The following CAMTA1 variants were observed in gnomAD, a reference collection of about 807,000 sequenced individuals.
CAMTA1 encodes the protein calmodulin binding transcription activator 1.
Under a neutral mutation model 170.9 loss-of-function variants are expected in CAMTA1, and 27 were observed. The ratio of observed to expected loss-of-function variants is 0.16; its 90% CI spans 0.12 to 0.22. CAMTA1 has a LOEUF of 0.22. CAMTA1 is among the 10% of genes least tolerant of loss of function. CAMTA1 has a pLI of 1.00. For missense variants in CAMTA1, 1,619 were observed against 2,217.2 expected (o/e 0.73, Z 5.42); for synonymous variants, 833 against 891.5 (o/e 0.93, Z 1.17).
rs138288107 is a variant in CAMTA1, at chr1:7,664,106, G to A, written c.1559G>A (p.Arg520Gln). 3.6e-4 allele frequency: 573 copies of A among 1,613,380 alleles called. No homozygotes were observed. Among genetic ancestry groups the A allele is most frequent in the Non-Finnish European group, 4.6e-4 (548 of 1,180,046 alleles). ...ATCCGGCACTCGCCACCCGGGGAGC[G>A]GAGCTTCAGCTTTACCACCGTCCTC... Reference protein sequence around the residue: ...SNIRHSPPGERSFSFTTVLTK... With the variant: ...SNIRHSPPGEQSFSFTTVLTK... The change falls in exon 9 of 23, where the codon CGG becomes CAG. Residue 520 changes from arginine (R) to glutamine (Q), a missense_variant. Transcript: ENST00000303635.
intron 6 of CAMTA1, among the ~76,000 whole-genome samples, chr1:7,508,988 G>C (rs1026113653): frequency 6.6e-6 from 1 of 152,154 alleles, no homozygotes; most frequent in Non-Finnish European, 1.5e-5. Context: ...GAGACCAGGC[G>C]CTACAGGCTA....
chr1:7,524,602 A>G (rs561697025), intron 6 of CAMTA1, among the ~76,000 whole-genome samples: 2 of 152,296 alleles, frequency 1.3e-5, no homozygotes, highest in African/African-American at 2.4e-5. Flanking sequence ...GATGTGAGCC[A>G]GAGGGATTTT....
At position 7,562,424 on chromosome 1, in the gene CAMTA1, G is replaced by C. The variant is rs1174757656; in HGVS notation, c.511-77976G>C. 1.3e-5 allele frequency among the ~76,000 whole-genome samples: 2 copies of C among 152,136 alleles called. No homozygotes were observed. Among genetic ancestry groups the C allele is most frequent in the Non-Finnish European group, 2.9e-5 (2 of 68,028 alleles). On this transcript the variant is annotated intron_variant, in intron 6 of 22. Transcript: ENST00000303635. This position sits in a 1 kb window ranked among gnomAD's most constrained non-coding sequence, Gnocchi z 4.8. ...CGGCAGCTCAGCTAATTTAAGCTTT[G>C]TTTGCTGCGATGCTGGAACTTCTGC...
intron 11 of CAMTA1, among the ~76,000 whole-genome samples, chr1:7,710,628 T>C (rs1467025352): frequency 4.0e-5 from 6 of 151,302 alleles, no homozygotes; most frequent in African/African-American, 1.5e-4. Context: ...AAAAAGAATT[T>C]ATTGACTCTT....
intron 3 of CAMTA1, among the ~76,000 whole-genome samples, chr1:6,904,765 T>TTA (rs1677984390): frequency 3.8e-5 from 4 of 105,894 alleles, no homozygotes; most frequent in Non-Finnish European, 6.0e-5. Context: ...TTTTTTTTTT[T>TTA]AATTTTTGGC....
At chr1:7,002,593 G>A (rs1229711293) in intron 3 of CAMTA1, among the ~76,000 whole-genome samples, 1 of 152,198 alleles carries the variant, frequency 6.6e-6, no homozygotes, top group East Asian at 1.9e-4. Context: ...ACAGGGCTGA[G>A]GGCAAAGGCC....
chr1:7,080,638 G>C (rs571166240), intron 3 of CAMTA1, among the ~76,000 whole-genome samples: 3 of 152,062 alleles, frequency 2.0e-5, no homozygotes, highest in African/African-American at 4.8e-5. Flanking sequence ...AGGTTCAAGC[G>C]ATTCTCCTGC....
chr1:7,008,951 C>T (rs1261276042), intron 3 of CAMTA1, among the ~76,000 whole-genome samples: 3 of 152,224 alleles, frequency 2.0e-5, no homozygotes, highest in Non-Finnish European at 4.4e-5. Flanking sequence ...TTCGAGGCCT[C>T]CTGCTGGCTT....
intron 3 of CAMTA1, among the ~76,000 whole-genome samples, chr1:6,922,572 C>T (rs950596487): frequency 6.6e-6 from 1 of 152,204 alleles, no homozygotes; most frequent in Non-Finnish European, 1.5e-5. Flanking sequence ...TGCAGGACAG[C>T]CACATTTCTC....
intron 3 of CAMTA1, among the ~76,000 whole-genome samples, chr1:6,846,692 T>C (rs1056502923): frequency 3.3e-5 from 5 of 152,224 alleles, no homozygotes; most frequent in African/African-American, 1.2e-4. Flanking sequence ...CTAAACCATA[T>C]TGACAGAATT....
At chr1:6,893,412 C>CA (rs770777410) in intron 3 of CAMTA1, among the ~76,000 whole-genome samples, 44 of 152,346 alleles carry the variant, frequency 2.9e-4, no homozygotes, top group Non-Finnish European at 5.4e-4. Flanking sequence ...GCAGCAGTTT[C>CA]AGATGTCACT....
Position 7,764,826 on chromosome 1 carries a change from G to T in CAMTA1, c.4990-1633G>T, listed in dbSNP as rs376699542. The stretch of plus-strand genomic sequence containing the variant: ...AATACAAAAATTAGCTAGGCGTGGT[G>T]GTGCGTGCCTGTAATCCCAGCTACT... On this transcript the variant is annotated intron_variant, in intron 22 of 22. Transcript: ENST00000303635. 2.8e-4 allele frequency among the ~76,000 whole-genome samples: 42 copies of T among 152,184 alleles called. 2 individuals are homozygous for T. The highest frequency in any genetic ancestry group is 7.5e-4 in the African/African-American group (31 of 41,518).
intron 6 of CAMTA1, among the ~76,000 whole-genome samples, chr1:7,600,491 C>CT (rs60909261): frequency 0.2 from 28,216 of 142,926 alleles, 2,886 homozygotes; most frequent in Admixed American, 0.25. Context: ...TTTTCTTTTT[C>CT]TTTTTTTTTT....
intron 3 of CAMTA1, among the ~76,000 whole-genome samples, chr1:6,982,841 C>A (rs1694674491): frequency 6.6e-6 from 1 of 152,146 alleles, no homozygotes; most frequent in African/African-American, 2.4e-5. Context: ...CAGGAGCGAT[C>A]CTGCCTCAGT....
chr1:7,452,771 G>A lies in CAMTA1; in HGVS notation c.439-15059G>A, dbSNP rs367757508. Among the ~76,000 whole-genome samples, 221 of 152,304 alleles carry A rather than the reference G, an allele frequency of 1.5e-3. 2 individuals carry two copies. The highest frequency in any genetic ancestry group is 5.0e-3 in the African/African-American group (207 of 41,554). ...ACATTTGCTTACCTCTTCCTCTGCC[G>A]ATGGGCATGTAGGCTGTTCCTGCCT... On this transcript the variant is annotated intron_variant, in intron 5 of 22. Transcript: ENST00000303635.
intron 4 of CAMTA1, among the ~76,000 whole-genome samples, chr1:7,111,678 G>A (rs1177508051): frequency 6.6e-6 from 1 of 152,096 alleles, no homozygotes; most frequent in East Asian, 1.9e-4. Context: ...GAGGTCAGGA[G>A]ATCAAGACCA....
rs535066150 is a variant in CAMTA1, at chr1:7,453,300, G to T, written c.439-14530G>T. Among the ~76,000 whole-genome samples the T allele has an allele frequency of 6.4e-4, 98 of 152,308 alleles. 1 individual carries two copies. Among genetic ancestry groups the T allele is most frequent in the Middle Eastern group, 3.4e-3 (1 of 294 alleles). On this transcript the variant is annotated intron_variant, in intron 5 of 22. Coordinates refer to ENST00000303635, the MANE Select transcript of CAMTA1 (RefSeq NM_015215.4). ...CCACACGGGGTGACTGTGGCTTTGGGCAGGTCCCCCTCTCCCTGCACCTCC... is the reference window on the plus strand; with the variant it reads ...CCACACGGGGTGACTGTGGCTTTGGTCAGGTCCCCCTCTCCCTGCACCTCC...
At chr1:6,942,613 T>G (rs2149436068) in intron 3 of CAMTA1, among the ~76,000 whole-genome samples, 1 of 152,298 alleles carries the variant, frequency 6.6e-6, no homozygotes, top group Admixed American at 6.5e-5. Context: ...GAGCTATGAT[T>G]GTGCCATTGC....
intron 7 of CAMTA1, among the ~76,000 whole-genome samples, chr1:7,646,564 G>C (rs553602550): frequency 6.6e-6 from 1 of 150,462 alleles, no homozygotes; most frequent in Non-Finnish European, 1.5e-5. Context: ...GGTGAGTTGG[G>C]TGGAGGCCCT....
Sources: allele counts gnomAD v4.1 joint callset (sites outside exome capture counted in the v4.1 genomes callset), GRCh38; gene constraint gnomAD v4.1.1; non-coding constraint Gnocchi (gnomAD v3.1); transcripts MANE v1.5; gene names NCBI Gene and HGNC (gene_info 2026-07-23, HGNC 2026-07-21).